Variants in SEM1 observed in about 807,000 individuals in gnomAD.
SEM1 encodes the protein 26S proteasome complex subunit SEM1.
Under a neutral mutation model 12.7 loss-of-function variants are expected in SEM1, and 3 were observed. That is an observed-to-expected ratio of 0.24 (90% CI 0.11 to 0.61). The LOEUF is 0.61. Ranked by LOEUF, SEM1 falls within the 20% of genes least tolerant of loss-of-function variation. The pLI, the probability that SEM1 is intolerant of heterozygous loss-of-function variation, is 0.88. For synonymous variants in SEM1, 30 were observed against 27.8 expected (o/e 1.08, Z -0.25); for missense variants, 59 against 81.3 (o/e 0.73, Z 1.06).
At chr7:96,669,324 G>A (rs1052003949), downstream of SEM1, among the ~76,000 whole-genome samples, 4 of 152,178 alleles carry the variant, frequency 2.6e-5, no homozygotes, top group Non-Finnish European at 5.9e-5. Context: ...CGTAGTCTCT[G>A]TCATAAATAC....
chr7:96,637,012 G>C (rs1808448938), intron 2 of SEM1, among the ~76,000 whole-genome samples: 1 of 152,020 alleles, frequency 6.6e-6, no homozygotes, highest in Non-Finnish European at 1.5e-5. Flanking sequence ...GAAAAAGAAA[G>C]TATTATTCAG....
At chr7:96,657,760 A>C (rs549310041) in intron 2 of SEM1, among the ~76,000 whole-genome samples, 10 of 152,342 alleles carry the variant, frequency 6.6e-5, no homozygotes, top group African/African-American at 2.2e-4. Context: ...AGTGGCACAG[A>C]GTGTGTCTTG....
chr7:96,504,126 A>T (rs1326484364), intron 3 of SEM1, among the ~76,000 whole-genome samples: 1 of 152,142 alleles, frequency 6.6e-6, no homozygotes, highest in African/African-American at 2.4e-5. Context: ...TATCTTGAGT[A>T]CAACTTCAGG....
chr7:96,629,094 G>A (rs1808164734), intron 2 of SEM1, among the ~76,000 whole-genome samples: 1 of 152,122 alleles, frequency 6.6e-6, no homozygotes, highest in Non-Finnish European at 1.5e-5. Context: ...ACCTTTGGGA[G>A]TTTGATTATT....
At chr7:96,602,540 G>T (rs994562383) in intron 2 of SEM1, among the ~76,000 whole-genome samples, 4 of 152,130 alleles carry the variant, frequency 2.6e-5, no homozygotes, top group East Asian at 1.9e-4. Context: ...ATTCAAGTTT[G>T]CCAGTCCTGG....
chr7:96,491,600 TGTCA>T (rs1164112614), intron 1 of SEM1, among the ~76,000 whole-genome samples: 8 of 152,334 alleles, frequency 5.3e-5, no homozygotes, highest in South Asian at 2.1e-4. Flanking sequence ...GAAGGGAAGC[TGTCA>T]GTCAAAGGCA....
At chr7:96,581,340 T>C (rs1321348548) in intron 2 of SEM1, among the ~76,000 whole-genome samples, 2 of 152,216 alleles carry the variant, frequency 1.3e-5, no homozygotes, top group Non-Finnish European at 2.9e-5. Flanking sequence ...ATCTCTGTTT[T>C]GGTACCAGTA....
chr7:96,562,505 C>G (rs1402669646), intron 2 of SEM1, among the ~76,000 whole-genome samples: 1 of 152,076 alleles, frequency 6.6e-6, no homozygotes, highest in East Asian at 1.9e-4. Context: ...GTATGATAAG[C>G]GCTACGCTAA....
At chr7:96,641,387 C>T (rs1808606114) in intron 2 of SEM1, among the ~76,000 whole-genome samples, 1 of 151,762 alleles carries the variant, frequency 6.6e-6, no homozygotes, top group South Asian at 2.1e-4. Flanking sequence ...CTTAGAGTTA[C>T]TTTATTTTAC....
chr7:96,564,581 A>G (rs1350051880), intron 2 of SEM1, among the ~76,000 whole-genome samples: 1 of 152,034 alleles, frequency 6.6e-6, no homozygotes, highest in Non-Finnish European at 1.5e-5. Flanking sequence ...TAGAAAGTGA[A>G]TGTGATGGCT....
At chr7:96,626,746 T>G (rs1407082313) in intron 2 of SEM1, among the ~76,000 whole-genome samples, 1 of 152,114 alleles carries the variant, frequency 6.6e-6, no homozygotes, top group Non-Finnish European at 1.5e-5. Context: ...CTGTAGTTAG[T>G]TTTCTTTTAT....
At chr7:96,547,385 G>C (rs1357165147) in intron 2 of SEM1, among the ~76,000 whole-genome samples, 1 of 152,142 alleles carries the variant, frequency 6.6e-6, no homozygotes, top group Non-Finnish European at 1.5e-5. Context: ...GGAATGAATA[G>C]AGTATTGTGG....
intron 2 of SEM1, among the ~76,000 whole-genome samples, chr7:96,617,063 T>C (rs1213714125): frequency 1.3e-5 from 2 of 152,120 alleles, no homozygotes; most frequent in African/African-American, 4.8e-5. Flanking sequence ...TTTCAGGATG[T>C]TTTTTCTAAT....
chr7:96,703,972 A>AACACACAC (rs67174798), intron 1 of SEM1, among the ~76,000 whole-genome samples: 7,109 of 142,020 alleles, frequency 0.05, 221 homozygotes, highest in Non-Finnish European at 0.068. Flanking sequence ...GTCTCTTAAA[A>AACACACAC]ACACACACAC....
intron 2 of SEM1, among the ~76,000 whole-genome samples, chr7:96,507,375 A>G (rs867091008): frequency 7.2e-5 from 11 of 152,106 alleles, no homozygotes; most frequent in Admixed American, 1.3e-4. Context: ...TGCTAACTCT[A>G]TCCTGAATCA....
At chr7:96,642,234 A>G (rs1374110842) in intron 2 of SEM1, among the ~76,000 whole-genome samples, 1 of 152,080 alleles carries the variant, frequency 6.6e-6, no homozygotes, top group African/African-American at 2.4e-5. Flanking sequence ...ACTGACTTGT[A>G]GATTACAGAG....
At chr7:96,706,226 C>T (rs555770131) in intron 1 of SEM1, 2 of 152,312 alleles carry the variant, frequency 1.3e-5, no homozygotes, top group South Asian at 4.1e-4. Flanking sequence ...TTTGTACCTT[C>T]AGAGACTCCT....
chr7:96,575,561 G>A (rs572566854), intron 2 of SEM1, among the ~76,000 whole-genome samples: 1 of 152,148 alleles, frequency 6.6e-6, no homozygotes, highest in Non-Finnish European at 1.5e-5. Flanking sequence ...CTGAAGCTGC[G>A]CCCACAGCCA....
chr7:96,612,947 T>G (rs1336275885), intron 2 of SEM1, among the ~76,000 whole-genome samples: 1 of 120,110 alleles, frequency 8.3e-6, no homozygotes, highest in African/African-American at 3.1e-5. Flanking sequence ...ATATAGTTGT[T>G]TTTAATTTAA....
Sources: allele counts gnomAD v4.1 joint callset (sites outside exome capture counted in the v4.1 genomes callset), GRCh38; gene constraint gnomAD v4.1.1; transcripts MANE v1.5; gene names NCBI Gene and HGNC (gene_info 2026-07-23, HGNC 2026-07-21).